Variants in PIK3CA observed in about 807,000 individuals in gnomAD.
PIK3CA encodes the protein phosphatidylinositol-4,5-bisphosphate 3-kinase catalytic subunit alpha, also known as phosphatidylinositol 4,5-bisphosphate 3-kinase catalytic subunit alpha isoform.
In PIK3CA, 27 loss-of-function variants were observed where a neutral mutation model predicts 138.2. That is an observed-to-expected ratio of 0.20 (90% CI 0.14 to 0.27). PIK3CA has a LOEUF of 0.27. Ranked by LOEUF, PIK3CA falls within the 10% of genes least tolerant of loss-of-function variation. PIK3CA has a pLI of 1.00. For missense variants in PIK3CA, 544 were observed against 1,277.4 expected (o/e 0.43, Z 8.75); for synonymous variants, 358 against 413.2 (o/e 0.87, Z 1.62).
At chr3:179,172,479 A>T (rs1230921847) in intron 1 of PIK3CA, among the ~76,000 whole-genome samples, 2 of 144,832 alleles carry the variant, frequency 1.4e-5, no homozygotes, top group African/African-American at 5.5e-5. Flanking sequence ...GTTCTAAAGA[A>T]TCTACCAAAA....
intron 16 of PIK3CA, 60 bp from the exon 17 acceptor site, chr3:179,225,902 C>A (rs750379382): frequency 1.2e-6 from 1 of 813,538 alleles, no homozygotes; most frequent in Non-Finnish European, 2.2e-6. Flanking sequence ...CATGTGATGG[C>A]GTGATCCCCA....
intron 4 of PIK3CA, 55 bp from the exon 5 acceptor site, chr3:179,203,489 A>G: frequency 6.5e-7 from 1 of 1,527,836 alleles, no homozygotes; most frequent in Non-Finnish European, 8.8e-7. Flanking sequence ...CTGACATGTT[A>G]CTTTTAAAAT....
At chr3:179,218,610 G>A (rs899295494) in intron 10 of PIK3CA, among the ~76,000 whole-genome samples, 2 of 151,920 alleles carry the variant, frequency 1.3e-5, no homozygotes. Flanking sequence ...AAATATTCTA[G>A]TAGTTTTAGG....
At chr3:179,202,695 T>TTAAAAA (rs1232983158) in intron 4 of PIK3CA, among the ~76,000 whole-genome samples, 1 of 152,214 alleles carries the variant, frequency 6.6e-6, no homozygotes, top group African/African-American at 2.4e-5. Context: ...TTCAGACCAG[T>TTAAAAA]ATATTTTAAC....
At chr3:179,228,098 C>T (rs1306755207) in intron 17 of PIK3CA, among the ~76,000 whole-genome samples, 1 of 152,000 alleles carries the variant, frequency 6.6e-6, no homozygotes, top group African/African-American at 2.4e-5. Context: ...AAGAAAACAA[C>T]TGTGACAGTA....
At chr3:179,151,982 A>G (rs548747684) in intron 1 of PIK3CA, among the ~76,000 whole-genome samples, 2 of 152,276 alleles carry the variant, frequency 1.3e-5, no homozygotes, top group South Asian at 4.1e-4. Flanking sequence ...AGGGACTCCT[A>G]TCTTATATAC....
intron 1 of PIK3CA, among the ~76,000 whole-genome samples, chr3:179,194,074 A>G (rs564833221): frequency 3.0e-4 from 46 of 152,312 alleles, no homozygotes; most frequent in African/African-American, 1.1e-3. Flanking sequence ...TTTTCTCTAG[A>G]CAATTGAGAA....
chr3:179,181,292 G>T (rs1349518340), intron 1 of PIK3CA, among the ~76,000 whole-genome samples: 1 of 151,714 alleles, frequency 6.6e-6, no homozygotes, highest in Non-Finnish European at 1.5e-5. Context: ...TCTGACCAAA[G>T]AAACATTATT....
At chr3:179,157,634 AT>A (rs1425424046) in intron 1 of PIK3CA, among the ~76,000 whole-genome samples, 1 of 151,896 alleles carries the variant, frequency 6.6e-6, no homozygotes, top group South Asian at 2.1e-4. Context: ...TCTAAAACTA[AT>A]TTTTTTTACC....
chr3:179,191,367 A>G (rs1307932204), intron 1 of PIK3CA, among the ~76,000 whole-genome samples: 2 of 152,198 alleles, frequency 1.3e-5, no homozygotes, highest in Non-Finnish European at 2.9e-5. Flanking sequence ...CTGTGAACAT[A>G]TATCTAAAAG....
At chr3:179,169,562 A>G (rs762058318) in intron 1 of PIK3CA, among the ~76,000 whole-genome samples, 2 of 152,168 alleles carry the variant, frequency 1.3e-5, no homozygotes, top group Non-Finnish European at 2.9e-5. Context: ...AGGACCGTCT[A>G]TTAAATAATC....
At chr3:179,163,204 A>C (rs572685375) in intron 1 of PIK3CA, among the ~76,000 whole-genome samples, 1 of 152,186 alleles carries the variant, frequency 6.6e-6, no homozygotes, top group Non-Finnish European at 1.5e-5. Flanking sequence ...TTCATCTTAC[A>C]TACCAAAATA....
intron 1 of PIK3CA, among the ~76,000 whole-genome samples, chr3:179,162,939 T>C (rs1576914870): frequency 6.6e-6 from 1 of 152,260 alleles, no homozygotes; most frequent in African/African-American, 2.4e-5. Flanking sequence ...GTAAGGTATC[T>C]TTTGAGTGGA....
intron 1 of PIK3CA, among the ~76,000 whole-genome samples, chr3:179,189,425 C>T (rs1724071926): frequency 6.6e-6 from 1 of 152,102 alleles, no homozygotes; most frequent in Non-Finnish European, 1.5e-5. Flanking sequence ...ATCTAATAAT[C>T]TAAGATCCAA....
chr3:179,163,050 A>G (rs760680755), intron 1 of PIK3CA, among the ~76,000 whole-genome samples: 1 of 152,166 alleles, frequency 6.6e-6, no homozygotes, highest in Admixed American at 6.5e-5. Context: ...ACACATTGAT[A>G]GTAAAATTGG....
At chr3:179,214,525 A>G (rs78379643) in intron 9 of PIK3CA, among the ~76,000 whole-genome samples, 7,375 of 152,200 alleles carry the variant, frequency 0.048, 200 homozygotes, top group Non-Finnish European at 0.057. Context: ...AGTAACATCA[A>G]AGATCACTGA....
At chr3:179,225,702 T>C (rs1366055393) in intron 16 of PIK3CA, among the ~76,000 whole-genome samples, 2 of 152,062 alleles carry the variant, frequency 1.3e-5, no homozygotes, top group Admixed American at 1.3e-4. Context: ...CCCAGGAGTT[T>C]TAGACCAGCC....
At chr3:179,203,929 T>A (rs1462868809) in intron 5 of PIK3CA, 140 bp downstream of exon 5, 1 of 606,290 alleles carries the variant, frequency 1.6e-6, no homozygotes, top group African/African-American at 1.8e-5. Context: ...TGTAAAAATA[T>A]ATCAAGAATT....
At chr3:179,151,124 T>C (rs532432831) in intron 1 of PIK3CA, among the ~76,000 whole-genome samples, 6 of 152,386 alleles carry the variant, frequency 3.9e-5, no homozygotes, top group South Asian at 2.1e-4. Context: ...TTTAGAAGTA[T>C]ATGTCTTAGA....
Sources: allele counts gnomAD v4.1 joint callset (sites outside exome capture counted in the v4.1 genomes callset), GRCh38; gene constraint gnomAD v4.1.1; transcripts MANE v1.5; gene names NCBI Gene and HGNC (gene_info 2026-07-23, HGNC 2026-07-21).